FRAS1: variants seen among roughly 807,000 people sequenced by gnomAD.
The protein encoded by FRAS1 is Fraser extracellular matrix complex subunit 1, also known as extracellular matrix organizing protein FRAS1.
Under a neutral mutation model 435.2 loss-of-function variants are expected in FRAS1, and 290 were observed. The ratio of observed to expected loss-of-function variants is 0.67; its 90% CI spans 0.61 to 0.73. The LOEUF is 0.73. Ranked by LOEUF, FRAS1 falls within the 30% of genes least tolerant of loss-of-function variation. The probability of loss-of-function intolerance (pLI) is 0.00; values close to 1 mark genes in which losing one functional copy is unlikely to be tolerated. For missense variants in FRAS1, 4,860 were observed against 5,001.5 expected, an observed-to-expected ratio of 0.97 and a Z score of 0.85; for synonymous variants, 1,800 against 1,851.0, an observed-to-expected ratio of 0.97 and a Z score of 0.71.
intron 47 of FRAS1, among the ~76,000 whole-genome samples, chr4:78,460,173 A>T (rs528522012): frequency 1.3e-5 from 2 of 152,310 alleles, no homozygotes; most frequent in African/African-American, 4.8e-5. Flanking sequence ...GGGAGGACTG[A>T]GGCATCATCT....
intron 2 of FRAS1, among the ~76,000 whole-genome samples, chr4:78,197,758 G>A (rs1182681720): frequency 2.6e-5 from 4 of 151,980 alleles, no homozygotes; most frequent in African/African-American, 7.2e-5. Flanking sequence ...TGGCTAACAC[G>A]GTGAAACCCC....
intron 2 of FRAS1, among the ~76,000 whole-genome samples, chr4:78,142,208 G>T (rs536411437): frequency 6.6e-6 from 1 of 152,028 alleles, no homozygotes; most frequent in Non-Finnish European, 1.5e-5. Context: ...AACTTGAAGG[G>T]CTGCATCCTA....
intron 11 of FRAS1, among the ~76,000 whole-genome samples, chr4:78,282,352 A>G (rs769881309): frequency 6.6e-6 from 1 of 152,244 alleles, no homozygotes. Flanking sequence ...TTAGAATACA[A>G]TGACTCAACT....
intron 32 of FRAS1, among the ~76,000 whole-genome samples, chr4:78,416,603 T>G (rs1265711839): frequency 2.0e-5 from 3 of 151,902 alleles, no homozygotes; most frequent in Non-Finnish European, 2.9e-5. Flanking sequence ...ACAAGTTGAG[T>G]CTGGGATATG....
chr4:78,489,583 AT>A (rs1356424802), intron 59 of FRAS1, among the ~76,000 whole-genome samples: 3 of 152,194 alleles, frequency 2.0e-5, no homozygotes, highest in African/African-American at 7.2e-5. Context: ...TTCAAGGGTT[AT>A]CCATAATTGA....
intron 67 of FRAS1, 35 bp downstream of exon 67, chr4:78,519,516 T>C (rs1721323016): frequency 6.3e-7 from 1 of 1,595,292 alleles, no homozygotes. Context: ...TCCCTTTAGT[T>C]AGGGCTTCAC....
At chr4:78,364,803 A>T (rs549874923) in intron 22 of FRAS1, among the ~76,000 whole-genome samples, 5 of 152,234 alleles carry the variant, frequency 3.3e-5, no homozygotes, top group Non-Finnish European at 7.3e-5. Flanking sequence ...TTTGAAAATG[A>T]TGGTTAACAA....
chr4:78,425,679 T>C (rs1733970624), intron 35 of FRAS1, among the ~76,000 whole-genome samples: 1 of 152,358 alleles, frequency 6.6e-6, no homozygotes, highest in Non-Finnish European at 1.5e-5. Flanking sequence ...TTTCTAGTCA[T>C]AGGCCTCTAC....
chr4:78,086,547 A>C (rs1741180821), intron 2 of FRAS1, among the ~76,000 whole-genome samples: 1 of 152,182 alleles, frequency 6.6e-6, no homozygotes, highest in African/African-American at 2.4e-5. Flanking sequence ...ATAAAGAAGA[A>C]AAGAGAGAAG....
At chr4:78,284,333 T>C in intron 12 of FRAS1, 72 bp from the exon 13 acceptor site, 2 of 1,523,888 alleles carry the variant, frequency 1.3e-6, no homozygotes, top group Admixed American at 3.4e-5. Flanking sequence ...TTGTAGATTC[T>C]TTTCTGAAGG....
chr4:78,114,514 G>A (rs1742995708), intron 2 of FRAS1, among the ~76,000 whole-genome samples: 1 of 139,372 alleles, frequency 7.2e-6, no homozygotes, highest in East Asian at 2.0e-4. Context: ...ATTGAGCAGT[G>A]GTTTGTAGTT....
chr4:78,241,415 CAACATTTTTGT>C (rs2110119281), intron 3 of FRAS1, among the ~76,000 whole-genome samples: 1 of 152,228 alleles, frequency 6.6e-6, no homozygotes, highest in East Asian at 1.9e-4. Context: ...GGCACCTAGT[CAACATTTTTGT>C]AATGATCTCA....
At chr4:78,386,729 T>C (rs1467864481) in intron 28 of FRAS1, among the ~76,000 whole-genome samples, 1 of 152,192 alleles carries the variant, frequency 6.6e-6, no homozygotes, top group Non-Finnish European at 1.5e-5. Context: ...AACATTTTAT[T>C]TGCTTACTCA....
At chr4:78,313,420 G>A (rs933822078) in intron 15 of FRAS1, among the ~76,000 whole-genome samples, 4 of 152,220 alleles carry the variant, frequency 2.6e-5, no homozygotes, top group Non-Finnish European at 4.4e-5. Flanking sequence ...CAGGAGGTTA[G>A]CAGGGTGTAG....
chr4:78,191,546 T>C (rs1318535204), intron 2 of FRAS1, among the ~76,000 whole-genome samples: 2 of 151,984 alleles, frequency 1.3e-5, no homozygotes, highest in African/African-American at 4.8e-5. Flanking sequence ...TTTTTTTTTT[T>C]TTTAATTATT....
rs1719957376 is a variant in FRAS1, at chr4:78,479,797, A to G, written c.8443+79A>G. Reference sequence around the variant, plus strand: ...AGCAGTTTTCTCCTTAGGTTTCAGAATATCCGGGAGACATTGAGAATGCCA... The same window carrying G: ...AGCAGTTTTCTCCTTAGGTTTCAGAGTATCCGGGAGACATTGAGAATGCCA... On this transcript the variant is annotated intron_variant, in intron 56 of 73. Transcript: ENST00000512123. The G allele has an allele frequency of 5.3e-6, 6 of 1,142,158 alleles. No homozygotes were observed. The South Asian group carries it at 9.0e-5, about 17-fold the overall frequency. 70.8% of individuals were successfully genotyped at this position (1,142,158 alleles called of 1,614,324 possible).
At chr4:78,148,367 C>T (rs1352870783) in intron 2 of FRAS1, among the ~76,000 whole-genome samples, 1 of 152,096 alleles carries the variant, frequency 6.6e-6, no homozygotes, top group Non-Finnish European at 1.5e-5. Flanking sequence ...CAGTTCTCTG[C>T]TCAAATTTCA....
At chr4:78,532,981 T>C (rs1385723082) in intron 70 of FRAS1, among the ~76,000 whole-genome samples, 1 of 152,200 alleles carries the variant, frequency 6.6e-6, no homozygotes, top group Admixed American at 6.5e-5. Flanking sequence ...TGATTTCCCC[T>C]TGTTTGGGTA....
At chr4:78,132,468 T>A (rs775309946) in intron 2 of FRAS1, among the ~76,000 whole-genome samples, 2 of 152,222 alleles carry the variant, frequency 1.3e-5, no homozygotes, top group East Asian at 3.8e-4. Flanking sequence ...AGTGAATAGT[T>A]ACAAAATGAA....
Sources: allele counts gnomAD v4.1 joint callset (sites outside exome capture counted in the v4.1 genomes callset), GRCh38; gene constraint gnomAD v4.1.1; transcripts MANE v1.5; gene names NCBI Gene and HGNC (gene_info 2026-07-23, HGNC 2026-07-21).